C1orf141: variants seen among roughly 807,000 people sequenced by gnomAD.
C1orf141 encodes the protein chromosome 1 open reading frame 141.
C1orf141 carries 19 observed loss-of-function variants against 23.2 expected under a neutral mutation model. The ratio of observed to expected loss-of-function variants is 0.82; its 90% CI spans 0.57 to 1.20. C1orf141 has a LOEUF of 1.20. C1orf141 is among the 50% of genes most tolerant of loss of function. The probability of loss-of-function intolerance (pLI) is 0.00; values close to 1 mark genes in which losing one functional copy is unlikely to be tolerated. For missense variants in C1orf141, 469 were observed against 455.1 expected (o/e 1.03, Z -0.28); for synonymous variants, 153 against 154.6 (o/e 0.99, Z 0.08).
intron 1 of C1orf141, among the ~76,000 whole-genome samples, chr1:67,134,410 T>C (rs2102514200): frequency 6.6e-6 from 1 of 152,234 alleles, no homozygotes; most frequent in East Asian, 1.9e-4. Flanking sequence ...TTGCAAGAAT[T>C]GATTAGCCAG....
chr1:67,126,709 G>A (rs949708663), intron 3 of C1orf141, among the ~76,000 whole-genome samples: 4 of 152,206 alleles, frequency 2.6e-5, no homozygotes, highest in Non-Finnish European at 5.9e-5. Context: ...CCTGGAGGTG[G>A]TTTCAGGGCT....
At chr1:67,132,498 G>C (rs991132949) in intron 1 of C1orf141, among the ~76,000 whole-genome samples, 14 of 152,030 alleles carry the variant, frequency 9.2e-5, no homozygotes, top group Admixed American at 6.5e-4. Context: ...ACTCCAGCCT[G>C]GGTGACGAGC....
chr1:67,120,050 C>T (rs1261923125), intron 4 of C1orf141, among the ~76,000 whole-genome samples: 1 of 152,176 alleles, frequency 6.6e-6, no homozygotes, highest in Non-Finnish European at 1.5e-5. Context: ...GAGGCAGGAC[C>T]ACTAGTCTAG....
intron 5 of C1orf141, among the ~76,000 whole-genome samples, chr1:67,098,724 T>C (rs1645739437): frequency 1.3e-5 from 2 of 152,114 alleles, no homozygotes; most frequent in South Asian, 4.1e-4. Context: ...TGATGACATC[T>C]TAGATTTGAT....
chr1:67,127,064 TATATC>T, intron 3 of C1orf141, 97 bp downstream of exon 3: 1 of 693,458 alleles, frequency 1.4e-6, no homozygotes, highest in Non-Finnish European at 2.3e-6. Context: ...CAAATTAGTT[TATATC>T]ATATTAATGT....
chr1:67,111,684 A>T (rs6588240), intron 5 of C1orf141: 769,585 of 942,620 alleles, frequency 0.82, 316,265 homozygotes, highest in East Asian at 0.93. Flanking sequence ...CTATTAAGTT[A>T]CTTCTAATTA....
intron 5 of C1orf141, among the ~76,000 whole-genome samples, chr1:67,112,288 T>C (rs942919820): frequency 3.3e-5 from 5 of 152,228 alleles, no homozygotes; most frequent in African/African-American, 1.2e-4. Context: ...CTGGTAGTCA[T>C]TCAATCAATA....
chr1:67,134,200 C>T (rs1008430622), intron 1 of C1orf141, among the ~76,000 whole-genome samples: 10 of 152,164 alleles, frequency 6.6e-5, no homozygotes, highest in Non-Finnish European at 1.3e-4. Context: ...GACGGGGTTT[C>T]GCCACTGTGG....
upstream of C1orf141, among the ~76,000 whole-genome samples, chr1:67,136,213 A>T (rs1002253153): frequency 2.8e-4 from 42 of 151,932 alleles, no homozygotes; most frequent in African/African-American, 9.9e-4. Flanking sequence ...TTTTATTTTT[A>T]TTTTTTTGTA....
chr1:67,113,140 C>T (rs568285825), intron 5 of C1orf141, among the ~76,000 whole-genome samples: 15 of 151,590 alleles, frequency 9.9e-5, no homozygotes, highest in East Asian at 5.9e-4. Context: ...CCACCACACC[C>T]GGCTAATTTT....
At chr1:67,132,942 A>G (rs1272310496) in intron 1 of C1orf141, among the ~76,000 whole-genome samples, 5 of 152,196 alleles carry the variant, frequency 3.3e-5, no homozygotes, top group Non-Finnish European at 5.9e-5. Context: ...GGCCATGCCA[A>G]TTGGGGCAGA....
intron 5 of C1orf141, among the ~76,000 whole-genome samples, chr1:67,106,769 G>A (rs1645938033): frequency 6.6e-6 from 1 of 152,108 alleles, no homozygotes; most frequent in Non-Finnish European, 1.5e-5. Context: ...CGGAGAAACA[G>A]AAACTATTTT....
At chr1:67,099,962 T>C (rs1002743991) in intron 5 of C1orf141, among the ~76,000 whole-genome samples, 1 of 152,230 alleles carries the variant, frequency 6.6e-6, no homozygotes, top group Non-Finnish European at 1.5e-5. Flanking sequence ...TTTTAATCTA[T>C]TGTATTTTTG....
intron 4 of C1orf141, chr1:67,123,796 G>C (rs1321155): frequency 0.9 from 136,794 of 152,262 alleles, 61,743 homozygotes; most frequent in East Asian, 0.98. Flanking sequence ...TTCATCAATG[G>C]TGGCAGCTTT....
At chr1:67,116,313 C>T (rs906349651) in intron 4 of C1orf141, among the ~76,000 whole-genome samples, 2 of 152,114 alleles carry the variant, frequency 1.3e-5, no homozygotes, top group Non-Finnish European at 2.9e-5. Flanking sequence ...TCTTTTTCCA[C>T]TCCCAACCTA....
upstream of C1orf141, among the ~76,000 whole-genome samples, chr1:67,138,275 C>T (rs1055965306): frequency 6.6e-6 from 1 of 152,198 alleles, no homozygotes. Context: ...CCTGTTATCC[C>T]TTCTGCCCAT....
upstream of C1orf141, among the ~76,000 whole-genome samples, chr1:67,139,940 G>A (rs1012250528): frequency 5.3e-5 from 8 of 152,120 alleles, no homozygotes; most frequent in Admixed American, 5.2e-4. Flanking sequence ...TCATGGGAGT[G>A]GGATTGGTGG....
chr1:67,108,646 G>T (rs2092912), intron 5 of C1orf141, among the ~76,000 whole-genome samples: 133,637 of 151,788 alleles, frequency 0.88, 59,004 homozygotes, highest in East Asian at 0.97. Flanking sequence ...TAGAATCACT[G>T]GAACCCAGGA....
At chr1:67,100,503 G>T (rs1458188323) in intron 5 of C1orf141, among the ~76,000 whole-genome samples, 1 of 151,992 alleles carries the variant, frequency 6.6e-6, no homozygotes, top group Non-Finnish European at 1.5e-5. Context: ...TTATTTCATA[G>T]AATTCTGTTT....
Sources: gnomAD v4.1 joint callset for allele counts (sites outside exome capture counted in the v4.1 genomes callset) on GRCh38, gnomAD v4.1.1 for gene constraint, MANE v1.5 for transcripts, NCBI Gene and HGNC (gene_info 2026-07-23, HGNC 2026-07-21) for gene names.